Variants in ZFYVE28 observed in about 807,000 individuals in gnomAD.
The protein encoded by ZFYVE28 is zinc finger FYVE-type containing 28.
Under a neutral mutation model 82.1 loss-of-function variants are expected in ZFYVE28, and 40 were observed. That is an observed-to-expected ratio of 0.49 (90% CI 0.38 to 0.63). The LOEUF is 0.63. ZFYVE28 is among the 30% of genes least tolerant of loss of function. The pLI, the probability that ZFYVE28 is intolerant of heterozygous loss-of-function variation, is 0.00. For missense variants in ZFYVE28, 1,321 were observed against 1,242.1 expected, an observed-to-expected ratio of 1.06 and a Z score of -0.96; for synonymous variants, 612 against 546.1, an observed-to-expected ratio of 1.12 and a Z score of -1.68.
chr4:2,304,577 C>T lies in ZFYVE28; in HGVS notation c.1763G>A (p.Gly588Glu), dbSNP rs1716221926. ...AGCGTACGAGGCACCAATGACGCCT[C>T]CCGGGCTGCACTTCTCCCGCAGACG... is the stretch of plus-strand genomic sequence containing the variant. ...VERLREKCSP[G>E]GVIGASYAAG... The change falls in exon 8 of 13, where the codon GGA becomes GAA. Residue 588 changes from glycine (G) to glutamate (E), a missense_variant. Coordinates refer to ENST00000290974, the MANE Select transcript of ZFYVE28 (RefSeq NM_020972.3). 2 of 1,612,558 alleles carry T rather than the reference C, an allele frequency of 1.2e-6. No homozygotes were observed. The highest frequency in any genetic ancestry group is 1.7e-6 in the Non-Finnish European group (2 of 1,179,830).
At chr4:2,280,752 C>T (rs760640846) in intron 8 of ZFYVE28, among the ~76,000 whole-genome samples, 1 of 152,218 alleles carries the variant, frequency 6.6e-6, no homozygotes, top group Non-Finnish European at 1.5e-5. Flanking sequence ...CCCTCGGGCC[C>T]TGCCTGTGGC....
chr4:2,391,049 G>T (rs1168879467), intron 1 of ZFYVE28, among the ~76,000 whole-genome samples: 1 of 152,234 alleles, frequency 6.6e-6, no homozygotes, highest in Non-Finnish European at 1.5e-5. Flanking sequence ...TGTCTGCAAG[G>T]CGCCAGAGAC....
At chr4:2,322,468 G>A (rs1578083089) in intron 6 of ZFYVE28, among the ~76,000 whole-genome samples, 1 of 151,008 alleles carries the variant, frequency 6.6e-6, no homozygotes, top group African/African-American at 2.4e-5. Flanking sequence ...TCTCGGTGTG[G>A]CCAGGGGTGT....
At position 2,304,272 on chromosome 4, in the gene ZFYVE28, G is replaced by C; in HGVS notation, c.2051+17C>G. 2 of 1,545,258 alleles carry C rather than the reference G, an allele frequency of 1.3e-6. No homozygotes were observed. Among genetic ancestry groups the C allele is most frequent in the Middle Eastern group, 1.7e-4 (1 of 5,744 alleles). On this transcript the variant is annotated intron_variant, in intron 8 of 12. Coordinates refer to ENST00000290974, the MANE Select transcript of ZFYVE28 (RefSeq NM_020972.3). The stretch of plus-strand genomic sequence containing the variant: ...CAGAGAGGACAAACCCAGTCTCTGG[G>C]CCAGACTGGCTCTTACCTGGAGCCC...
chr4:2,404,196 C>T (rs2108677619), intron 1 of ZFYVE28, among the ~76,000 whole-genome samples: 1 of 147,776 alleles, frequency 6.8e-6, no homozygotes, highest in South Asian at 2.2e-4. Context: ...GTGGTGGGTG[C>T]CTGTAGTCCC....
rs1578011403 is a variant in ZFYVE28, at chr4:2,307,426, C to A, written c.804-1890G>T. Among the ~76,000 whole-genome samples the A allele has an allele frequency of 2.6e-5, 4 of 152,132 alleles. No individual in the cohort carries two copies. In the South Asian group the frequency reaches 8.3e-4, roughly 32 times the overall value. On this transcript the variant is annotated intron_variant, in intron 7 of 12. Coordinates refer to ENST00000290974, the MANE Select transcript of ZFYVE28 (RefSeq NM_020972.3). ...TTTCTTTATGATTAGTGCTTTGTGT[C>A]CTGTTTAAGAAATCTCTTCCCACTC...
At position 2,339,368 on chromosome 4, in the gene ZFYVE28, T is replaced by C; in HGVS notation, c.521+85A>G. 1.4e-6 allele frequency: 2 copies of C among 1,462,344 alleles called. No individual in the cohort carries two copies. Among genetic ancestry groups the C allele is most frequent in the Admixed American group, 2.1e-5 (1 of 47,258 alleles). The allele number at this position is 1,462,344 out of a possible 1,614,324, so 90.6% of individuals were successfully genotyped here. A position where few individuals can be genotyped will look rare whatever the true frequency, so the allele number is the denominator to read the frequency against. ...TCCTCCCTCTGTGGAATTTTCCAGC[T>C]TGAAGTATCAGGGTGAGCCCCGGAA... On this transcript the variant is annotated intron_variant, in intron 4 of 12. Coordinates refer to ENST00000290974, the MANE Select transcript of ZFYVE28 (RefSeq NM_020972.3). This position sits in a 1 kb window ranked among gnomAD's most constrained non-coding sequence, Gnocchi z 5.0.
intron 2 of ZFYVE28, among the ~76,000 whole-genome samples, chr4:2,346,296 C>G (rs1475896541): frequency 1.3e-4 from 19 of 149,122 alleles, no homozygotes; most frequent in Non-Finnish European, 2.8e-4. Context: ...GAGCCGAGAT[C>G]GCGCCACTGC....
chr4:2,336,369 A>G (rs184423041), intron 5 of ZFYVE28, among the ~76,000 whole-genome samples: 139 of 152,346 alleles, frequency 9.1e-4, no homozygotes, highest in African/African-American at 3.2e-3. Flanking sequence ...TCAAAGCACA[A>G]AGAGTAAAAA....
chr4:2,309,832 C>T (rs1578024390), intron 7 of ZFYVE28, among the ~76,000 whole-genome samples: 1 of 152,226 alleles, frequency 6.6e-6, no homozygotes, highest in East Asian at 1.9e-4. Context: ...CCTCCTATTC[C>T]TAGTTTGCTA....
intron 9 of ZFYVE28, among the ~76,000 whole-genome samples, chr4:2,273,705 A>G (rs953259973): frequency 6.6e-6 from 1 of 152,076 alleles, no homozygotes; most frequent in African/African-American, 2.4e-5. Context: ...CCTGCAAAGC[A>G]TGTCCACCCC....
intron 10 of ZFYVE28, among the ~76,000 whole-genome samples, chr4:2,272,716 C>G (rs1342288881): frequency 6.6e-6 from 1 of 152,180 alleles, no homozygotes; most frequent in East Asian, 1.9e-4. Context: ...GGTGGGCAGC[C>G]TCGGGCTGCT....
chr4:2,393,559 C>T (rs965898581), intron 1 of ZFYVE28, among the ~76,000 whole-genome samples: 2 of 152,244 alleles, frequency 1.3e-5, no homozygotes, highest in African/African-American at 4.8e-5. Context: ...CTGGCTCTCA[C>T]GGCCCCTTCC....
intron 1 of ZFYVE28, among the ~76,000 whole-genome samples, chr4:2,367,099 G>A (rs116401482): frequency 0.013 from 1,985 of 152,280 alleles, 43 homozygotes; most frequent in African/African-American, 0.045. Context: ...AGAAACGAAT[G>A]AACTGCACAG....
At position 2,324,098 on chromosome 4, in the gene ZFYVE28, C is replaced by T. The variant is rs895096646; in HGVS notation, c.702-3827G>A. On this transcript the variant is annotated intron_variant, in intron 6 of 12. Coordinates refer to ENST00000290974, the MANE Select transcript of ZFYVE28 (RefSeq NM_020972.3). ...TCTCTAGAGAAACAGAACAAGAGAG[C>T]AATATTTATTTTAAGGAATTGTTTC... Among the ~76,000 whole-genome samples, 178 of 152,062 alleles carry T rather than the reference C, an allele frequency of 1.2e-3. 2 individuals carry two copies. Among genetic ancestry groups the T allele is most frequent in the Non-Finnish European group, 3.2e-4 (22 of 68,026 alleles).
At chr4:2,284,552 G>A (rs1712442052) in intron 8 of ZFYVE28, among the ~76,000 whole-genome samples, 1 of 152,228 alleles carries the variant, frequency 6.6e-6, no homozygotes, top group South Asian at 2.1e-4. Flanking sequence ...CCAGGAGTCA[G>A]AGGTGAAGGC....
At chr4:2,375,332 G>A (rs981107661) in intron 1 of ZFYVE28, among the ~76,000 whole-genome samples, 5 of 152,136 alleles carry the variant, frequency 3.3e-5, no homozygotes, top group African/African-American at 1.2e-4. Flanking sequence ...TTCTAACAAG[G>A]CCCAAATCAC....
chr4:2,334,523 C>T (rs569479536), intron 6 of ZFYVE28, among the ~76,000 whole-genome samples: 1 of 152,070 alleles, frequency 6.6e-6, no homozygotes, highest in East Asian at 1.9e-4. Context: ...CAGTGCACTG[C>T]CACGTGTGCC....
Position 2,300,825 on chromosome 4 carries a change from C to T in ZFYVE28, c.2051+3464G>A, listed in dbSNP as rs1055373926. 2.0e-5 allele frequency among the ~76,000 whole-genome samples: 3 copies of T among 152,168 alleles called. No individual in the cohort carries two copies. The highest frequency in any genetic ancestry group is 7.2e-5 in the African/African-American group (3 of 41,440). On this transcript the variant is annotated intron_variant, in intron 8 of 12. Coordinates refer to ENST00000290974, the MANE Select transcript of ZFYVE28 (RefSeq NM_020972.3). The surrounding 1 kb of genome is among the most constrained non-coding windows in gnomAD (Gnocchi z 4.6). ...GCCGTGCCCACTGTTCCCTCTGAAC[C>T]GTCCACGCCACAACCACAGGGGCTG...
Sources: allele counts gnomAD v4.1 joint callset (sites outside exome capture counted in the v4.1 genomes callset), GRCh38; gene constraint gnomAD v4.1.1; non-coding constraint Gnocchi (gnomAD v3.1); transcripts MANE v1.5; gene names NCBI Gene and HGNC (gene_info 2026-07-23, HGNC 2026-07-21).